Variants in PTPRM observed in about 807,000 individuals in gnomAD.
PTPRM encodes the protein receptor-type tyrosine-protein phosphatase mu.
In PTPRM, 47 loss-of-function variants were observed where a neutral mutation model predicts 186.7. That is an observed-to-expected ratio of 0.25 (90% confidence interval 0.20 to 0.32). The LOEUF is 0.32. Ranked by LOEUF, PTPRM falls within the 10% of genes least tolerant of loss-of-function variation. PTPRM has a pLI of 1.00. For synonymous variants in PTPRM, 668 were observed against 674.9 expected, an observed-to-expected ratio of 0.99 and a Z score of 0.16; for missense variants, 1,494 against 1,865.0, an observed-to-expected ratio of 0.80 and a Z score of 3.66.
chr18:8,234,773 T>G (rs2094325195), intron 14 of PTPRM, among the ~76,000 whole-genome samples: 1 of 152,128 alleles, frequency 6.6e-6, no homozygotes, highest in Non-Finnish European at 1.5e-5. Context: ...TATTCCTACT[T>G]TGCTGAAAAC....
At chr18:8,292,538 G>A (rs1197525856) in intron 19 of PTPRM, among the ~76,000 whole-genome samples, 1 of 152,226 alleles carries the variant, frequency 6.6e-6, no homozygotes, top group East Asian at 1.9e-4. Context: ...TATGGAGTCA[G>A]GAGACAGTGA....
At chr18:8,115,930 A>G (rs1389508166) in intron 13 of PTPRM, among the ~76,000 whole-genome samples, 1 of 152,174 alleles carries the variant, frequency 6.6e-6, no homozygotes, top group Non-Finnish European at 1.5e-5. Flanking sequence ...TACTCACCTC[A>G]TTTGTATCTT....
chr18:8,041,324 G>A (rs562452655), intron 7 of PTPRM, among the ~76,000 whole-genome samples: 2 of 152,122 alleles, frequency 1.3e-5, no homozygotes, highest in African/African-American at 2.4e-5. Flanking sequence ...AAATAGTGCC[G>A]TGAAAGCCAT....
intron 1 of PTPRM, among the ~76,000 whole-genome samples, chr18:7,684,516 G>A (rs2039553420): frequency 6.6e-6 from 1 of 151,952 alleles, no homozygotes; most frequent in African/African-American, 2.4e-5. Flanking sequence ...CCCTCTCCCC[G>A]AGCCCTGGCA....
chr18:8,311,968 G>T (rs1298230457), intron 20 of PTPRM, among the ~76,000 whole-genome samples: 1 of 152,172 alleles, frequency 6.6e-6, no homozygotes, highest in Admixed American at 6.5e-5. Flanking sequence ...ACAGGAATCT[G>T]ACGAGGGGGT....
At chr18:7,748,658 TTGTC>T (rs2041063473) in intron 1 of PTPRM, among the ~76,000 whole-genome samples, 1 of 152,202 alleles carries the variant, frequency 6.6e-6, no homozygotes, top group South Asian at 2.1e-4. Context: ...CCTGCCCTCT[TTGTC>T]TAATTGGATC....
chr18:8,368,558 T>C (rs2095645998), intron 23 of PTPRM, among the ~76,000 whole-genome samples: 1 of 152,148 alleles, frequency 6.6e-6, no homozygotes, highest in Admixed American at 6.5e-5. Context: ...GCATATCTGG[T>C]TTACGTCTTG....
Position 7,568,325 on chromosome 18 carries a change from C to G in PTPRM, c.73+434C>G, listed in dbSNP as rs1403728277. Among the ~76,000 whole-genome samples, 5 of 151,818 alleles carry G rather than the reference C, an allele frequency of 3.3e-5. No homozygotes were observed. The highest frequency in any genetic ancestry group is 9.7e-5 in the African/African-American group (4 of 41,404). ...GCCGACCCCGAGCAGCGGCCGGGCC[C>G]AGGCCGCTGGTGTTCGGCTGCGCCC... On this transcript the variant is annotated intron_variant, in intron 1 of 32. Transcript: ENST00000580170. This position sits in a 1 kb window ranked among gnomAD's most constrained non-coding sequence, Gnocchi z 5.1.
At chr18:7,852,420 A>T (rs1838187) in intron 2 of PTPRM, among the ~76,000 whole-genome samples, 100,797 of 151,854 alleles carry the variant, frequency 0.66, 33,815 homozygotes, top group East Asian at 0.89. Flanking sequence ...CTACAAAAAA[A>T]TTTTTTTTAG....
At chr18:8,395,755 C>T (rs2095842481) in intron 32 of PTPRM, among the ~76,000 whole-genome samples, 1 of 152,228 alleles carries the variant, frequency 6.6e-6, no homozygotes, top group African/African-American at 2.4e-5. Context: ...CCTCCCCACC[C>T]TACGGGGAGC....
At chr18:8,075,601 C>T (rs575538) in intron 8 of PTPRM, among the ~76,000 whole-genome samples, 95,107 of 151,874 alleles carry the variant, frequency 0.63, 29,936 homozygotes, top group African/African-American at 0.67. Context: ...TTATAGAAAA[C>T]TGGCAAATGA....
chr18:8,103,280 A>T (rs1019085308), intron 11 of PTPRM, among the ~76,000 whole-genome samples: 1 of 152,202 alleles, frequency 6.6e-6, no homozygotes, highest in African/African-American at 2.4e-5. Flanking sequence ...TCTCCTCTTC[A>T]GCTATGAAAG....
intron 7 of PTPRM, among the ~76,000 whole-genome samples, chr18:8,054,818 T>C (rs894238722): frequency 2.6e-5 from 4 of 152,160 alleles, no homozygotes; most frequent in Admixed American, 2.6e-4. Context: ...GCAGGTTCAT[T>C]GGTAGTAAGT....
intron 19 of PTPRM, among the ~76,000 whole-genome samples, chr18:8,278,031 C>T (rs1317916170): frequency 6.6e-6 from 1 of 152,184 alleles, no homozygotes; most frequent in Non-Finnish European, 1.5e-5. Context: ...TATTTCATTT[C>T]CAGATTGTGA....
At chr18:7,604,543 A>G (rs368067343) in intron 1 of PTPRM, among the ~76,000 whole-genome samples, 5 of 152,210 alleles carry the variant, frequency 3.3e-5, no homozygotes, top group Non-Finnish European at 1.5e-5. Flanking sequence ...GCATGGGGAA[A>G]TTTGCAAGTG....
intron 8 of PTPRM, among the ~76,000 whole-genome samples, 165 bp from the exon 9 acceptor site, chr18:8,076,290 G>C (rs2089807749): frequency 6.6e-6 from 1 of 152,116 alleles, no homozygotes; most frequent in East Asian, 1.9e-4. Context: ...AATCAAGACA[G>C]TGTAGCTAAA....
intron 1 of PTPRM, among the ~76,000 whole-genome samples, chr18:7,767,806 A>C (rs946494708): frequency 6.6e-6 from 1 of 152,242 alleles, no homozygotes; most frequent in African/African-American, 2.4e-5. Flanking sequence ...GTTTCCAACC[A>C]TACTAGAAAA....
chr18:7,668,270 C>T lies in PTPRM; in HGVS notation c.73+100379C>T, dbSNP rs1027890616. 1.3e-5 allele frequency among the ~76,000 whole-genome samples: 2 copies of T among 152,120 alleles called. No individual in the cohort carries two copies. Among genetic ancestry groups the T allele is most frequent in the Non-Finnish European group, 2.9e-5 (2 of 68,030 alleles). The stretch of plus-strand genomic sequence containing the variant: ...AGCTCTGGTGTGAATAGTCACAGTG[C>T]CACCATTTTGGGTCCTGGTAATGGT... On this transcript the variant is annotated intron_variant, in intron 1 of 32. Coordinates refer to ENST00000580170, the MANE Select transcript of PTPRM (RefSeq NM_001105244.2). The surrounding 1 kb of genome is among the most constrained non-coding windows in gnomAD (Gnocchi z 4.7).
At chr18:8,252,348 A>T in intron 17 of PTPRM, 140 bp from the exon 18 acceptor site, 1 of 738,636 alleles carries the variant, frequency 1.4e-6, no homozygotes, top group Admixed American at 2.0e-5. Flanking sequence ...TCGCCCTCTG[A>T]CCACCTCTGA....
Sources: allele counts gnomAD v4.1 joint callset (sites outside exome capture counted in the v4.1 genomes callset), GRCh38; gene constraint gnomAD v4.1.1; non-coding constraint Gnocchi (gnomAD v3.1); transcripts MANE v1.5; gene names NCBI Gene and HGNC (gene_info 2026-07-23, HGNC 2026-07-21).